PGGT1B: variants seen among roughly 807,000 people sequenced by gnomAD.
PGGT1B encodes the protein protein geranylgeranyltransferase type I subunit beta.
In PGGT1B, 30 loss-of-function variants were observed where a neutral mutation model predicts 46.1. That is an observed-to-expected ratio of 0.65 (90% CI 0.49 to 0.88). The LOEUF is 0.88. PGGT1B is among the 40% of genes least tolerant of loss of function. The pLI is 0.00. For synonymous variants in PGGT1B, 170 were observed against 160.0 expected (o/e 1.06, Z -0.47); for missense variants, 376 against 455.9 (o/e 0.82, Z 1.60).
intron 1 of PGGT1B, among the ~76,000 whole-genome samples, chr5:115,255,718 A>T (rs1437098930): frequency 6.6e-6 from 1 of 152,102 alleles, no homozygotes; most frequent in Non-Finnish European, 1.5e-5. Context: ...ACAAGTTGGC[A>T]TTTTTTTCAA....
intron 6 of PGGT1B, among the ~76,000 whole-genome samples, chr5:115,228,888 C>G (rs1756882758): frequency 6.6e-6 from 1 of 152,068 alleles, no homozygotes; most frequent in African/African-American, 2.4e-5. Flanking sequence ...TCATGACTTT[C>G]AAAGACAAAC....
chr5:115,211,237 C>G lies in PGGT1B; in HGVS notation c.*1165G>C, dbSNP rs1756212344. The G allele has an allele frequency of 6.6e-6, 1 of 152,006 alleles. No homozygotes were observed. Among genetic ancestry groups the G allele is most frequent in the Non-Finnish European group, 1.5e-5 (1 of 67,910 alleles). The allele number at this position is 152,006 out of a possible 1,614,324, so 9.4% of individuals were successfully genotyped here. ...ATATGAGTTATTGATAAATTAATTA[C>G]TAATGAAGAGTTTTTATACTACCTC... On this transcript the variant is annotated 3_prime_UTR_variant, in exon 9 of 9. Transcript: ENST00000419445.
intron 6 of PGGT1B, among the ~76,000 whole-genome samples, chr5:115,228,412 T>G (rs546743810): frequency 6.6e-6 from 1 of 152,280 alleles, no homozygotes; most frequent in East Asian, 1.9e-4. Flanking sequence ...ATAGGTCGTT[T>G]ATAAAATAGT....
At chr5:115,219,737 T>A (rs1756530118) in intron 7 of PGGT1B, among the ~76,000 whole-genome samples, 1 of 151,726 alleles carries the variant, frequency 6.6e-6, no homozygotes, top group South Asian at 2.1e-4. Context: ...CTCCCACAAC[T>A]TTATAACAAA....
In PGGT1B at chr5:115,260,701, C is replaced by A. The variant is rs575107016; in HGVS notation, c.140+2011G>T. Among the ~76,000 whole-genome samples, 226 of 152,234 alleles carry A rather than the reference C, an allele frequency of 1.5e-3. 2 individuals carry two copies. The highest frequency in any genetic ancestry group is 5.0e-3 in the African/African-American group (207 of 41,536). On this transcript the variant is annotated intron_variant, in intron 1 of 8. Transcript: ENST00000419445. ...AGAAAACCAAAATGATGTAAAAATT[C>A]TATTCATATGACAAACATTAGACAA...
intron 1 of PGGT1B, 40 bp downstream of exon 1, chr5:115,262,672 C>A: frequency 6.4e-7 from 1 of 1,571,714 alleles, no homozygotes; most frequent in East Asian, 2.3e-5. Context: ...CGCTGGAGCC[C>A]GGGCCTTGTG....
rs191490955 is a variant in PGGT1B at position 115,251,356 on chromosome 5, A to G, written c.259+1781T>C. On this transcript the variant is annotated intron_variant, in intron 2 of 8. Transcript: ENST00000419445. The stretch of plus-strand genomic sequence containing the variant: ...AACTCCAGATAATAGCAAATCTCTC[A>G]CAAGATTAAATAATGAGAAGAAGTA... Among the ~76,000 whole-genome samples, 205 of 152,266 alleles carry G rather than the reference A, an allele frequency of 1.3e-3. 1 individual carries two copies. Among genetic ancestry groups the G allele is most frequent in the Middle Eastern group, 3.4e-3 (1 of 294 alleles).
chr5:115,237,410 C>A (rs913705562), intron 4 of PGGT1B, among the ~76,000 whole-genome samples: 1 of 152,128 alleles, frequency 6.6e-6, no homozygotes, highest in African/African-American at 2.4e-5. Context: ...AATGAACATA[C>A]GAACTCCTTT....
At chr5:115,238,081 T>C (rs1021123346) in intron 3 of PGGT1B, 72 bp from the exon 4 acceptor site, 45 of 1,134,150 alleles carry the variant, frequency 4.0e-5, no homozygotes, top group Middle Eastern at 2.6e-4. Flanking sequence ...AAATCTGACA[T>C]AAGGTTTTAG....
chr5:115,228,237 C>T (rs1312102993), intron 6 of PGGT1B, among the ~76,000 whole-genome samples: 1 of 152,082 alleles, frequency 6.6e-6, no homozygotes, highest in East Asian at 1.9e-4. Flanking sequence ...TTTTGGGTGC[C>T]ATCAACACAG....
chr5:115,231,042 T>C, intron 5 of PGGT1B, 21 bp from the exon 6 acceptor site: 1 of 1,408,252 alleles, frequency 7.1e-7, no homozygotes, highest in South Asian at 1.3e-5. Flanking sequence ...AAAACATTGT[T>C]CAGTTTAATA....
chr5:115,212,865 A>T (rs1756278620), intron 8 of PGGT1B, among the ~76,000 whole-genome samples: 2 of 152,220 alleles, frequency 1.3e-5, no homozygotes, highest in African/African-American at 4.8e-5. Context: ...TGTGATTAAA[A>T]GACAGGAGTA....
rs561680636 is a variant in PGGT1B, at chr5:115,207,267, T to C, written c.*5135A>G. 1.3e-4 allele frequency: 19 copies of C among 147,086 alleles called. No homozygotes were observed. Among genetic ancestry groups the C allele is most frequent in the African/African-American group, 4.0e-4 (16 of 40,068 alleles). The allele number at this position is 147,086 out of a possible 1,614,324, so 9.1% of individuals were successfully genotyped here. ...AGCTATAATTATACATACAGAAAAG[T>C]GCACAAATCATATACAGCTTGATAA... On this transcript the variant is annotated 3_prime_UTR_variant, in exon 9 of 9. Coordinates refer to ENST00000419445, the MANE Select transcript of PGGT1B (RefSeq NM_005023.4).
intron 6 of PGGT1B, among the ~76,000 whole-genome samples, chr5:115,222,857 C>T (rs1455057223): frequency 6.6e-6 from 1 of 152,166 alleles, no homozygotes; most frequent in Non-Finnish European, 1.5e-5. Flanking sequence ...TCTGAGCAAA[C>T]TATCGCAAGG....
intron 2 of PGGT1B, among the ~76,000 whole-genome samples, chr5:115,247,443 T>A (rs1747898373): frequency 6.6e-6 from 1 of 152,192 alleles, no homozygotes; most frequent in African/African-American, 2.4e-5. Flanking sequence ...TGTTCTTAAC[T>A]TCTTAACTTT....
rs181688180 is a variant in PGGT1B at position 115,241,529 on chromosome 5, T to C, written c.327+10A>G. On this transcript the variant is annotated intron_variant, in intron 3 of 8. Coordinates refer to ENST00000419445, the MANE Select transcript of PGGT1B (RefSeq NM_005023.4). Reference sequence around the variant, plus strand: ...CCCTTCTACTTCCTTCTGAACCAAATAGAACCAACCTTTGATGGATTGAAC... The same window carrying C: ...CCCTTCTACTTCCTTCTGAACCAAACAGAACCAACCTTTGATGGATTGAAC... 651 of 1,583,040 alleles carry C rather than the reference T, an allele frequency of 4.1e-4. 1 individual carries two copies. Among genetic ancestry groups the C allele is most frequent in the East Asian group, 7.1e-4 (31 of 43,898 alleles).
rs1169842848 is a variant in PGGT1B at position 115,212,018 on chromosome 5, T to A, written c.*384A>T. 6.1e-6 allele frequency: 1 copy of A among 163,640 alleles called. No homozygotes were observed. The highest frequency in any genetic ancestry group is 2.4e-5 in the African/African-American group (1 of 41,622). 10.1% of individuals were successfully genotyped at this position (163,640 alleles called of 1,614,324 possible). On this transcript the variant is annotated 3_prime_UTR_variant, in exon 9 of 9. Coordinates refer to ENST00000419445, the MANE Select transcript of PGGT1B (RefSeq NM_005023.4). ...GTGAGCTTTTTAAATGATCACTAAG[T>A]GTTCACCTGAAGATTATCAATGCTA...
At chr5:115,237,782 T>C in intron 4 of PGGT1B, 76 bp downstream of exon 4, 1 of 1,241,114 alleles carries the variant, frequency 8.1e-7, no homozygotes. Flanking sequence ...AAAGATCTAG[T>C]ATAGTACTGT....
At chr5:115,254,277 G>A (rs921251434) in intron 1 of PGGT1B, among the ~76,000 whole-genome samples, 1 of 151,806 alleles carries the variant, frequency 6.6e-6, no homozygotes, top group African/African-American at 2.4e-5. Context: ...GACCAGAACT[G>A]TTTCAGATTT....
Sources: gnomAD v4.1 joint callset for allele counts (sites outside exome capture counted in the v4.1 genomes callset) on GRCh38, gnomAD v4.1.1 for gene constraint, MANE v1.5 for transcripts, NCBI Gene and HGNC (gene_info 2026-07-23, HGNC 2026-07-21) for gene names.